Variants in HAS2 observed in about 807,000 individuals in gnomAD.
HAS2 encodes HA synthase 2.
HAS2 carries 16 observed loss-of-function variants against 51.6 expected under a neutral mutation model. The observed-to-expected ratio is 0.31, with a 90% CI of 0.21 to 0.47. The LOEUF (loss-of-function observed/expected upper bound fraction) is 0.47. Ranked by LOEUF, HAS2 falls within the 20% of genes least tolerant of loss-of-function variation. The pLI, the probability that HAS2 is intolerant of heterozygous loss-of-function variation, is 1.00. For missense variants in HAS2, 361 were observed against 662.6 expected (o/e 0.54, Z 5.00); for synonymous variants, 228 against 235.5 (o/e 0.97, Z 0.29).
At chr8:121,619,702 T>A (rs1812750199) in intron 2 of HAS2, among the ~76,000 whole-genome samples, 1 of 152,128 alleles carries the variant, frequency 6.6e-6, no homozygotes, top group East Asian at 1.9e-4. Context: ...ATCCCTGGTT[T>A]GTATGTGGCT....
At chr8:121,629,414 G>A in intron 1 of HAS2, 74 bp from the exon 2 acceptor site, 1 of 1,171,700 alleles carries the variant, frequency 8.5e-7, no homozygotes, top group Non-Finnish European at 1.2e-6. Flanking sequence ...GTATCATGGG[G>A]AGAGTATTGG....
intron 2 of HAS2, 134 bp downstream of exon 2, chr8:121,628,580 T>C (rs1278981376): frequency 1.3e-6 from 1 of 784,192 alleles, no homozygotes; most frequent in Non-Finnish European, 2.0e-6. Context: ...TCAACAGTCA[T>C]GCTGTTTTCA....
In HAS2 at chr8:121,641,437, G is replaced by T. The variant is rs905428841; in HGVS notation, c.-585C>A. 5 of 151,742 alleles carry T rather than the reference G, an allele frequency of 3.3e-5. No homozygotes were observed. The East Asian group carries it at 7.8e-4, about 24-fold the overall frequency. 9.4% of individuals were successfully genotyped at this position (151,742 alleles called of 1,614,324 possible). A position where few individuals can be genotyped will look rare whatever the true frequency, so the allele number is the denominator to read the frequency against. On this transcript the variant is annotated 5_prime_UTR_variant, in exon 1 of 4. Coordinates refer to ENST00000303924, the MANE Select transcript of HAS2 (RefSeq NM_005328.3). ...CTTCTGCCTCCTCCAACTTAAGGGG[G>T]TCTTAACAAGTGAGCTGGTGGGTGT...
At chr8:121,633,999 C>A (rs577410074) in intron 1 of HAS2, among the ~76,000 whole-genome samples, 1 of 152,006 alleles carries the variant, frequency 6.6e-6, no homozygotes, top group Admixed American at 6.5e-5. Context: ...CAACCTCCGC[C>A]TCCTGGGTTC....
chr8:121,637,980 A>T (rs1813036201), intron 1 of HAS2, among the ~76,000 whole-genome samples: 1 of 152,226 alleles, frequency 6.6e-6, no homozygotes. Context: ...GTAATGTAAC[A>T]AACTACTTGT....
At chr8:121,633,067 G>T (rs574566580) in intron 1 of HAS2, among the ~76,000 whole-genome samples, 1 of 150,772 alleles carries the variant, frequency 6.6e-6, no homozygotes, top group East Asian at 1.9e-4. Context: ...GCATTCTTTC[G>T]TTTCTGGCTA....
At chr8:121,639,222 TG>T (rs1813053626) in intron 1 of HAS2, 1 of 152,216 alleles carries the variant, frequency 6.6e-6, no homozygotes. Flanking sequence ...GGCCTCCAGT[TG>T]GGGGAAGCCC....
intron 2 of HAS2, among the ~76,000 whole-genome samples, chr8:121,626,599 C>T (rs6988910): frequency 0.034 from 5,212 of 152,308 alleles, 321 homozygotes; most frequent in African/African-American, 0.12. Flanking sequence ...CTTCAAACCC[C>T]TTTTCCCTTA....
intron 1 of HAS2, chr8:121,639,225 G>C (rs768543118): frequency 6.6e-6 from 1 of 152,198 alleles, no homozygotes; most frequent in Non-Finnish European, 1.5e-5. Context: ...CTCCAGTTGG[G>C]GGAAGCCCTT....
At chr8:121,615,090 C>G in intron 3 of HAS2, 52 bp from the exon 4 acceptor site, 1 of 1,329,888 alleles carries the variant, frequency 7.5e-7, no homozygotes, top group Non-Finnish European at 1.0e-6. Flanking sequence ...AAAATTCCAG[C>G]AAAACCTGTT....
intron 1 of HAS2, among the ~76,000 whole-genome samples, chr8:121,635,951 A>C (rs1813002335): frequency 6.6e-6 from 1 of 152,262 alleles, no homozygotes; most frequent in Non-Finnish European, 1.5e-5. Flanking sequence ...CTAAGCAGAC[A>C]TACTCAGGTC....
intron 2 of HAS2, among the ~76,000 whole-genome samples, chr8:121,624,503 A>G (rs138333492): frequency 1.3e-5 from 2 of 152,348 alleles, no homozygotes; most frequent in Non-Finnish European, 2.9e-5. Flanking sequence ...AAATTTGCAA[A>G]TACAGAATCC....
At chr8:121,623,198 T>C (rs1286737378) in intron 2 of HAS2, among the ~76,000 whole-genome samples, 1 of 152,190 alleles carries the variant, frequency 6.6e-6, no homozygotes, top group Non-Finnish European at 1.5e-5. Context: ...TATAAAATAA[T>C]TCCTGCCTTC....
chr8:121,622,498 T>C (rs1364671795), intron 2 of HAS2, among the ~76,000 whole-genome samples: 1 of 152,052 alleles, frequency 6.6e-6, no homozygotes, highest in Non-Finnish European at 1.5e-5. Flanking sequence ...TAACTAGTGT[T>C]AATAAGATAA....
rs1427230447 is a variant in HAS2 at position 121,621,436 on chromosome 8, G to A, written c.628-4230C>T. The stretch of plus-strand genomic sequence containing the variant: ...TGCCATCATCATGGGACATTTGTGA[G>A]ACACTGCAAATAAAAGTACCTTGTG... On this transcript the variant is annotated intron_variant, in intron 2 of 3. Transcript: ENST00000303924. 1.6e-4 allele frequency among the ~76,000 whole-genome samples: 25 copies of A among 152,278 alleles called. No homozygotes were observed. The East Asian group carries it at 4.6e-3, about 28-fold the overall frequency.
chr8:121,638,792 G>T (rs1295281116), intron 1 of HAS2, among the ~76,000 whole-genome samples: 5 of 152,224 alleles, frequency 3.3e-5, no homozygotes, highest in African/African-American at 1.2e-4. Flanking sequence ...AAAATGTGGT[G>T]AAAACTAATT....
chr8:121,635,574 G>A (rs7834907), intron 1 of HAS2, among the ~76,000 whole-genome samples: 29,397 of 152,118 alleles, frequency 0.19, 2,933 homozygotes, highest in Middle Eastern at 0.3. Flanking sequence ...CAGACAAACC[G>A]CTTGAGGGTT....
chr8:121,636,633 A>T (rs1292464309), intron 1 of HAS2, among the ~76,000 whole-genome samples: 1 of 152,056 alleles, frequency 6.6e-6, no homozygotes, highest in African/African-American at 2.4e-5. Context: ...TGTTCTTCCA[A>T]CTGCTCTACT....
At chr8:121,616,747 T>C (rs1190793327) in intron 3 of HAS2, among the ~76,000 whole-genome samples, 4 of 152,202 alleles carry the variant, frequency 2.6e-5, no homozygotes, top group Non-Finnish European at 5.9e-5. Flanking sequence ...ATACTTCTAT[T>C]TCTTAATCCT....
Sources: allele counts gnomAD v4.1 joint callset (sites outside exome capture counted in the v4.1 genomes callset), GRCh38; gene constraint gnomAD v4.1.1; transcripts MANE v1.5; gene names NCBI Gene and HGNC (gene_info 2026-07-23, HGNC 2026-07-21).